The following UNC13C variants were observed in gnomAD, a reference collection of about 807,000 sequenced individuals.
UNC13C encodes the protein protein unc-13 homolog C.
UNC13C carries 174 observed loss-of-function variants against 245.4 expected under a neutral mutation model. The ratio of observed to expected loss-of-function variants is 0.71; its 90% CI spans 0.63 to 0.80. The LOEUF is 0.80. UNC13C is among the 30% of genes least tolerant of loss of function. The pLI is 0.00. For synonymous variants in UNC13C, 992 were observed against 895.1 expected (o/e 1.11, Z -1.93); for missense variants, 2,829 against 2,602.9 (o/e 1.09, Z -1.89).
the UNC13C span, among the ~76,000 whole-genome samples, chr15:53,891,583 T>G: frequency 6.6e-6 from 1 of 152,244 alleles, no homozygotes; most frequent in Non-Finnish European, 1.5e-5. Flanking sequence ...TTAGCTCTTC[T>G]TTTTGAATTG....
At chr15:54,496,009 A>T (rs192027789) in intron 20 of UNC13C, among the ~76,000 whole-genome samples, 8 of 152,186 alleles carry the variant, frequency 5.3e-5, no homozygotes, top group African/African-American at 1.4e-4. Context: ...ATTATACAAC[A>T]TGGTGACTGT....
chr15:54,509,268 G>A (rs1321983304), intron 23 of UNC13C, among the ~76,000 whole-genome samples: 2 of 152,144 alleles, frequency 1.3e-5, no homozygotes, highest in African/African-American at 4.8e-5. Context: ...TTAAAGACCA[G>A]AGTTAAATAA....
chr15:54,197,803 T>C (rs2034404335), intron 4 of UNC13C, among the ~76,000 whole-genome samples: 1 of 152,046 alleles, frequency 6.6e-6, no homozygotes, highest in African/African-American at 2.4e-5. Context: ...AGGAACATAC[T>C]AGGAAAGTCG....
At chr15:54,552,110 T>C (rs981010733) in intron 28 of UNC13C, among the ~76,000 whole-genome samples, 11 of 149,932 alleles carry the variant, frequency 7.3e-5, no homozygotes, top group African/African-American at 2.7e-4. Flanking sequence ...TGAAACAATG[T>C]GGGGAACTAA....
chr15:54,016,517 G>A (rs1041184697), intron 2 of UNC13C, among the ~76,000 whole-genome samples: 1 of 152,162 alleles, frequency 6.6e-6, no homozygotes, highest in African/African-American at 2.4e-5. Flanking sequence ...TATTCTTTGA[G>A]AAGAGATCAG....
intron 4 of UNC13C, among the ~76,000 whole-genome samples, chr15:54,179,487 C>G (rs2033725956): frequency 6.6e-6 from 1 of 151,856 alleles, no homozygotes; most frequent in Admixed American, 6.6e-5. Context: ...ACAATATATA[C>G]TATTAAGTCC....
intron 2 of UNC13C, among the ~76,000 whole-genome samples, chr15:54,135,635 C>G (rs1005248204): frequency 1.3e-4 from 20 of 152,180 alleles, no homozygotes; most frequent in Admixed American, 2.0e-4. Context: ...TTTCTGAGCT[C>G]TCTCTTCTGT....
chr15:53,855,054 G>A, the UNC13C span, among the ~76,000 whole-genome samples: 1 of 151,914 alleles, frequency 6.6e-6, no homozygotes, highest in Non-Finnish European at 1.5e-5. Context: ...TCTCTTTGTA[G>A]CAATTGTGAA....
intron 4 of UNC13C, among the ~76,000 whole-genome samples, chr15:54,185,708 G>A (rs1021350251): frequency 2.7e-5 from 4 of 149,486 alleles, no homozygotes; most frequent in African/African-American, 7.6e-5. Context: ...GTAGCGTGAT[G>A]CCTCCAGCTT....
At position 54,544,394 on chromosome 15, in the gene UNC13C, G is replaced by A. The variant is rs373421926; in HGVS notation, c.5697-2328G>A. On this transcript the variant is annotated intron_variant, in intron 26 of 32. Transcript: ENST00000260323. ...CCCTTCGAAAACCAGCACAAGACAAGGATGCCCTCTCTCACCACTCCTGTT... is the reference window on the plus strand; with the variant it reads ...CCCTTCGAAAACCAGCACAAGACAAAGATGCCCTCTCTCACCACTCCTGTT... Among the ~76,000 whole-genome samples the A allele has an allele frequency of 4.6e-5, 7 of 152,258 alleles. No individual in the cohort carries two copies. The South Asian group carries it at 6.2e-4, about 14-fold the overall frequency.
chr15:54,220,077 C>G (rs1432059075), intron 4 of UNC13C, among the ~76,000 whole-genome samples: 2 of 144,766 alleles, frequency 1.4e-5, no homozygotes, highest in Non-Finnish European at 3.0e-5. Context: ...ACCATTTGAC[C>G]CAGCCATCCC....
chr15:53,875,762 C>T, the UNC13C span, among the ~76,000 whole-genome samples: 13 of 152,146 alleles, frequency 8.5e-5, no homozygotes, highest in Admixed American at 5.9e-4. Flanking sequence ...CCATTTAGCA[C>T]CATCCTGTGT....
At chr15:54,607,424 C>A (rs762123484) in intron 30 of UNC13C, among the ~76,000 whole-genome samples, 1 of 152,144 alleles carries the variant, frequency 6.6e-6, no homozygotes, top group Non-Finnish European at 1.5e-5. Flanking sequence ...ATTATTAATC[C>A]TATCTTCTAC....
intron 2 of UNC13C, among the ~76,000 whole-genome samples, chr15:54,062,108 T>C (rs1192846280): frequency 6.6e-6 from 1 of 151,826 alleles, no homozygotes; most frequent in Non-Finnish European, 1.5e-5. Context: ...TCACCTGAGG[T>C]CAGGAATTGG....
At chr15:53,869,444 A>G in the UNC13C span, among the ~76,000 whole-genome samples, 2,595 of 152,268 alleles carry the variant, frequency 0.017, 51 homozygotes, top group East Asian at 0.083. Flanking sequence ...GGTAATTCAT[A>G]CTAATTCCCT....
At chr15:54,335,734 G>T (rs1450003003) in intron 16 of UNC13C, among the ~76,000 whole-genome samples, 2 of 152,142 alleles carry the variant, frequency 1.3e-5, no homozygotes, top group Non-Finnish European at 2.9e-5. Context: ...TCTTTGTTAT[G>T]TATGTGCTAT....
At position 54,264,285 on chromosome 15, in the gene UNC13C, T is replaced by C. The variant is rs749601011; in HGVS notation, c.3566T>C (p.Ile1189Thr). 3 of 1,600,504 alleles carry C rather than the reference T, an allele frequency of 1.9e-6. No individual in the cohort carries two copies. The highest frequency in any genetic ancestry group is 3.4e-5 in the Admixed American group (2 of 58,196). Residue 1189 changes from isoleucine to threonine, a missense_variant, in exon 9 of 33, where the codon ATC (isoleucine) becomes ACC (threonine). Physicochemically the swap from Ile to Thr is moderately conservative, Grantham distance 89. Transcript: ENST00000260323. ...AACCGGCCAGAAGTATTTGAAGTAATCCAGGAAATGTTTCAGATTTCTAAA... is the reference window on the plus strand; with the variant it reads ...AACCGGCCAGAAGTATTTGAAGTAACCCAGGAAATGTTTCAGATTTCTAAA... ...EKNRPEVFEVIQEMFQISKED... is the reference protein window; with the variant it reads ...EKNRPEVFEVTQEMFQISKED...
At chr15:54,282,502 G>C (rs975172393) in intron 10 of UNC13C, among the ~76,000 whole-genome samples, 1 of 152,094 alleles carries the variant, frequency 6.6e-6, no homozygotes, top group Non-Finnish European at 1.5e-5. Flanking sequence ...TCACTTCAAG[G>C]GGAACATGGC....
downstream of UNC13C, chr15:54,632,776 T>C (rs544976151): frequency 1.6e-4 from 25 of 152,346 alleles, no homozygotes; most frequent in African/African-American, 6.0e-4. Context: ...GCAATTACTG[T>C]AGCTTTATAC....
Sources: gnomAD v4.1 joint callset for allele counts (sites outside exome capture counted in the v4.1 genomes callset) on GRCh38, gnomAD v4.1.1 for gene constraint, MANE v1.5 for transcripts, NCBI Gene and HGNC (gene_info 2026-07-23, HGNC 2026-07-21) for gene names.